The following FRYL variants were observed in gnomAD, a reference collection of about 807,000 sequenced individuals.
FRYL encodes the protein protein furry homolog-like.
A neutral mutation model predicts 351.2 loss-of-function variants in FRYL; 150 were observed. The observed-to-expected ratio is 0.43, with a 90% CI of 0.37 to 0.49. FRYL has a LOEUF of 0.49. Among genes scored for constraint, FRYL ranks in the 20% least tolerant of loss-of-function variants. FRYL has a pLI of 0.00. For missense variants in FRYL, 3,036 were observed against 3,619.3 expected, an observed-to-expected ratio of 0.84 and a Z score of 4.13; for synonymous variants, 1,153 against 1,257.1, an observed-to-expected ratio of 0.92 and a Z score of 1.75.
At chr4:48,583,452 C>T (rs762923661) in intron 19 of FRYL, among the ~76,000 whole-genome samples, 2 of 152,098 alleles carry the variant, frequency 1.3e-5, no homozygotes, top group South Asian at 2.1e-4. Flanking sequence ...CTCAATTATT[C>T]TTTATACACA....
intron 7 of FRYL, among the ~76,000 whole-genome samples, chr4:48,613,973 C>T (rs909792845): frequency 7.1e-6 from 1 of 140,062 alleles, no homozygotes; most frequent in Non-Finnish European, 1.6e-5. Flanking sequence ...AAAAAAAAGG[C>T]ATTTGAATAA....
intron 3 of FRYL, among the ~76,000 whole-genome samples, chr4:48,656,405 T>TA (rs1759145281): frequency 8.5e-5 from 1 of 11,702 alleles, no homozygotes; most frequent in African/African-American, 3.1e-4. Flanking sequence ...AATATATAAT[T>TA]ATATATAATG....
intron 2 of FRYL, among the ~76,000 whole-genome samples, chr4:48,694,936 G>A (rs1766014729): frequency 6.6e-6 from 1 of 152,102 alleles, no homozygotes; most frequent in Non-Finnish European, 1.5e-5. Context: ...AGCTGGGCAT[G>A]GTGGCACTAG....
intron 26 of FRYL, among the ~76,000 whole-genome samples, chr4:48,572,351 G>A (rs1578175290): frequency 1.3e-5 from 2 of 152,188 alleles, no homozygotes; most frequent in Admixed American, 1.3e-4. Context: ...GCTAAAGCTA[G>A]TAGTTTTTCA....
chr4:48,655,622 T>C (rs1758688870), intron 3 of FRYL, among the ~76,000 whole-genome samples: 2 of 148,902 alleles, frequency 1.3e-5, no homozygotes, highest in Admixed American at 1.3e-4. Flanking sequence ...AATAAGCCAA[T>C]TTAGACCCAA....
chr4:48,755,860 T>C (rs1472806474), intron 1 of FRYL, among the ~76,000 whole-genome samples: 1 of 151,750 alleles, frequency 6.6e-6, no homozygotes, highest in Non-Finnish European at 1.5e-5. Context: ...TCAAGACAAA[T>C]GTGTCAATTT....
intron 3 of FRYL, among the ~76,000 whole-genome samples, chr4:48,641,650 T>C (rs1209726368): frequency 6.6e-6 from 1 of 152,130 alleles, no homozygotes; most frequent in Admixed American, 6.6e-5. Context: ...AAAGCTACTG[T>C]CATGTGGGAG....
chr4:48,509,583 C>G (rs1297759983), intron 59 of FRYL, among the ~76,000 whole-genome samples: 1 of 152,202 alleles, frequency 6.6e-6, no homozygotes, highest in African/African-American at 2.4e-5. Flanking sequence ...AGGGAAGGAA[C>G]AGAGCTACTC....
At chr4:48,616,333 T>C (rs951188844) in intron 7 of FRYL, among the ~76,000 whole-genome samples, 6 of 152,166 alleles carry the variant, frequency 3.9e-5, no homozygotes, top group Non-Finnish European at 7.4e-5. Flanking sequence ...TGAATTTGCT[T>C]TATAATCTTC....
At position 48,573,365 on chromosome 4, in the gene FRYL, AAT is replaced by A; in HGVS notation, c.2847-124_2847-123del. The A allele has an allele frequency of 4.8e-6, 3 of 630,820 alleles. 1 individual carries two copies. The South Asian group carries it at 6.8e-5, about 14-fold the overall frequency. 39.1% of individuals were successfully genotyped at this position (630,820 alleles called of 1,614,324 possible). On this transcript the variant is annotated intron_variant, in intron 25 of 63. Coordinates refer to ENST00000358350, the MANE Select transcript of FRYL (RefSeq NM_015030.2). Reference sequence around the variant, plus strand: ...ATTCCAATCCTACTGTTTTAAACACAATGTCTATTTTTTTATTTGGTTTATAA... The same window carrying A: ...ATTCCAATCCTACTGTTTTAAACACAGTCTATTTTTTTATTTGGTTTATAA...
intron 7 of FRYL, among the ~76,000 whole-genome samples, chr4:48,611,763 G>A (rs1389934621): frequency 6.6e-6 from 1 of 152,018 alleles, no homozygotes; most frequent in East Asian, 1.9e-4. Context: ...ATAACTTTTA[G>A]TAATATTTTC....
intron 3 of FRYL, among the ~76,000 whole-genome samples, chr4:48,644,798 T>TA (rs1467344228): frequency 2.0e-5 from 3 of 151,980 alleles, no homozygotes; most frequent in African/African-American, 2.4e-5. Context: ...AAAAGACCTG[T>TA]AGCCTAGAGA....
At chr4:48,554,511 G>A (rs548895950) in intron 35 of FRYL, among the ~76,000 whole-genome samples, 3 of 152,042 alleles carry the variant, frequency 2.0e-5, no homozygotes, top group Non-Finnish European at 4.4e-5. Context: ...GATAATTTTC[G>A]TAGTTTTAGT....
chr4:48,646,044 A>G (rs763139609), intron 3 of FRYL: 3 of 152,184 alleles, frequency 2.0e-5, no homozygotes, highest in Admixed American at 6.5e-5. Flanking sequence ...TCATTCAGAT[A>G]TTGTTCCAAA....
At chr4:48,712,673 A>G (rs1176855944) in intron 1 of FRYL, among the ~76,000 whole-genome samples, 8 of 152,362 alleles carry the variant, frequency 5.3e-5, no homozygotes, top group Admixed American at 1.3e-4. Flanking sequence ...AACCTCCCCA[A>G]TCTAGCAAGG....
intron 3 of FRYL, among the ~76,000 whole-genome samples, chr4:48,647,933 T>C (rs74439111): frequency 2.0e-5 from 3 of 152,160 alleles, no homozygotes; most frequent in Non-Finnish European, 4.4e-5. Flanking sequence ...CTGATGTCAA[T>C]GAGAATGTAA....
At chr4:48,673,950 G>A (rs992344543) in intron 3 of FRYL, among the ~76,000 whole-genome samples, 8 of 152,210 alleles carry the variant, frequency 5.3e-5, no homozygotes, top group African/African-American at 1.9e-4. Context: ...AACAGAACAA[G>A]TTAATAGTGT....
chr4:48,548,942 G>T, intron 39 of FRYL, 149 bp from the exon 40 acceptor site: 1 of 574,512 alleles, frequency 1.7e-6, no homozygotes, highest in Non-Finnish European at 3.1e-6. Flanking sequence ...AAATACAGCT[G>T]AAGAAAACGT....
chr4:48,523,660 C>T lies in FRYL; in HGVS notation c.7318-556G>A, dbSNP rs549005802. On this transcript the variant is annotated intron_variant, in intron 53 of 63. Transcript: ENST00000358350. Reference sequence around the variant, plus strand: ...CAGAAAGTCAACATGTGATTCAAATCTTTTTTTATGCAAAATATGTTGTGA... The same window carrying T: ...CAGAAAGTCAACATGTGATTCAAATTTTTTTTTATGCAAAATATGTTGTGA... 1.2e-4 allele frequency among the ~76,000 whole-genome samples: 19 copies of T among 152,266 alleles called. No individual in the cohort carries two copies. The South Asian group carries it at 3.5e-3, about 28-fold the overall frequency.
Sources: gnomAD v4.1 joint callset for allele counts (sites outside exome capture counted in the v4.1 genomes callset) on GRCh38, gnomAD v4.1.1 for gene constraint, MANE v1.5 for transcripts, NCBI Gene and HGNC (gene_info 2026-07-23, HGNC 2026-07-21) for gene names.